The following AGAP4 variants were observed in gnomAD, a reference collection of about 807,000 sequenced individuals.
The protein encoded by AGAP4 is ArfGAP with GTPase domain, ankyrin repeat and PH domain 4.
In AGAP4, 13 loss-of-function variants were observed where a neutral mutation model predicts 60.7. That is an observed-to-expected ratio of 0.21 (90% CI 0.14 to 0.34). The LOEUF (loss-of-function observed/expected upper bound fraction) is 0.34. AGAP4 is among the 10% of genes least tolerant of loss of function. The probability of loss-of-function intolerance (pLI) is 1.00; values close to 1 mark genes in which losing one functional copy is unlikely to be tolerated. For synonymous variants in AGAP4, 70 were observed against 339.0 expected, an observed-to-expected ratio of 0.21 and a Z score of 8.72; for missense variants, 169 against 884.0, an observed-to-expected ratio of 0.19 and a Z score of 10.26.
intron 4 of AGAP4, 170 bp downstream of exon 4, chr10:45,841,483 G>A (rs2058918037): frequency 5.0e-6 from 3 of 597,412 alleles, no homozygotes; most frequent in East Asian, 3.2e-5. Flanking sequence ...GCTAAACTAA[G>A]CACTTTTCTG....
upstream of AGAP4, among the ~76,000 whole-genome samples, chr10:45,852,173 C>G (rs1472500264): frequency 7.1e-6 from 1 of 140,764 alleles, no homozygotes; most frequent in African/African-American, 2.7e-5. Context: ...CGGCCTCCCA[C>G]AGTCTGGGAT....
At chr10:45,828,525 A>C (rs2058680688) in intron 6 of AGAP4, among the ~76,000 whole-genome samples, 2 of 146,384 alleles carry the variant, frequency 1.4e-5, no homozygotes, top group Non-Finnish European at 3.0e-5. Context: ...TGAATGACAA[A>C]CTCATCTGCC....
chr10:45,848,050 T>C (rs2059029050), upstream of AGAP4: 7 of 989,702 alleles, frequency 7.1e-6, no homozygotes, highest in Admixed American at 5.4e-5. Context: ...AGCAACCAAG[T>C]TGAACAACTT....
upstream of AGAP4, chr10:45,847,977 C>T (rs1305648940): frequency 6.8e-6 from 7 of 1,024,070 alleles, no homozygotes; most frequent in African/African-American, 1.2e-4. Context: ...AAGGGTAGTT[C>T]ATTACTTGAA....
chr10:45,848,480 T>C (rs1358134764), upstream of AGAP4, among the ~76,000 whole-genome samples: 41 of 149,710 alleles, frequency 2.7e-4, no homozygotes, highest in South Asian at 8.6e-3. Flanking sequence ...ATACTCGACA[T>C]CTGGCAAGTA....
intron 5 of AGAP4, among the ~76,000 whole-genome samples, chr10:45,832,364 G>A (rs2058747928): frequency 1.3e-5 from 2 of 149,820 alleles, no homozygotes; most frequent in African/African-American, 4.9e-5. Flanking sequence ...CCACCAAATT[G>A]GAGCAGTTTC....
intron 2 of AGAP4, among the ~76,000 whole-genome samples, chr10:45,845,661 G>A (rs2135963777): frequency 9.4e-6 from 1 of 105,932 alleles, no homozygotes; most frequent in Non-Finnish European, 2.0e-5. Flanking sequence ...GGAGTGCATT[G>A]GCGTGATCTC....
intron 2 of AGAP4, among the ~76,000 whole-genome samples, chr10:45,844,721 C>A (rs1202318542): frequency 2.8e-5 from 4 of 144,694 alleles, no homozygotes; most frequent in Non-Finnish European, 6.0e-5. Flanking sequence ...GTAAAATCAA[C>A]TTTGCATAAA....
At chr10:45,841,809 T>C in intron 3 of AGAP4, 122 bp from the exon 4 acceptor site, 2 of 1,033,574 alleles carry the variant, frequency 1.9e-6, no homozygotes, top group Non-Finnish European at 2.6e-6. Context: ...AAAAAAAAAA[T>C]TTTCAATAAC....
At chr10:45,831,488 T>C in intron 5 of AGAP4, 59 bp from the exon 6 acceptor site, 1 of 1,570,244 alleles carries the variant, frequency 6.4e-7, no homozygotes, top group South Asian at 1.1e-5. Flanking sequence ...CCTGAAGACA[T>C]TTTTTAAAAG....
upstream of AGAP4, among the ~76,000 whole-genome samples, chr10:45,849,643 ATT>A (rs533771653): frequency 4.3e-5 from 6 of 140,070 alleles, no homozygotes; most frequent in Admixed American, 7.1e-5. Context: ...GCTGAACACT[ATT>A]TTTTTTTTTT....
rs1316312313 is a variant in AGAP4, at chr10:45,839,631, C to T, written c.396+2022G>A. On this transcript the variant is annotated intron_variant, in intron 4 of 7. Transcript: ENST00000616763. ...ACTGAAATGTCTTCAAAAAAGATCC[C>T]CAGATAATACACTGAGGTCTCCCAA... Among the ~76,000 whole-genome samples the T allele has an allele frequency of 3.4e-4, 39 of 113,400 alleles. 10 individuals are homozygous for T. The highest frequency in any genetic ancestry group is 1.1e-4 in the Non-Finnish European group (6 of 52,880). The allele number at this position is 113,400 out of a possible 152,430, so 74.4% of individuals were successfully genotyped here.
upstream of AGAP4, among the ~76,000 whole-genome samples, chr10:45,850,155 C>T (rs1242859479): frequency 6.6e-6 from 1 of 151,748 alleles, no homozygotes; most frequent in Non-Finnish European, 1.5e-5. Flanking sequence ...TCTCGAACTC[C>T]TGACCTCAGG....
chr10:45,844,303 T>G, intron 3 of AGAP4, 23 bp downstream of exon 3: 1 of 1,593,200 alleles, frequency 6.3e-7, no homozygotes, highest in Non-Finnish European at 8.5e-7. Context: ...TTTCTCTTGG[T>G]GGAAAAAACA....
intron 4 of AGAP4, among the ~76,000 whole-genome samples, chr10:45,834,736 G>A (rs2058788505): frequency 8.4e-6 from 1 of 119,054 alleles, no homozygotes. Flanking sequence ...TTTTTCTGCA[G>A]CAATAAAAAG....
At chr10:45,828,426 A>G (rs1456799359) in intron 6 of AGAP4, among the ~76,000 whole-genome samples, 1 of 149,904 alleles carries the variant, frequency 6.7e-6, no homozygotes, top group East Asian at 1.9e-4. Context: ...ACTTTAATAA[A>G]TGTAAATGTG....
intron 6 of AGAP4, among the ~76,000 whole-genome samples, chr10:45,829,386 A>C (rs1590015664): frequency 1.4e-5 from 2 of 146,344 alleles, no homozygotes; most frequent in Non-Finnish European, 3.0e-5. Flanking sequence ...CTGAAAAATC[A>C]CTTTTTTCAC....
intron 4 of AGAP4, among the ~76,000 whole-genome samples, chr10:45,839,350 C>G (rs1324017363): frequency 1.7e-5 from 2 of 119,758 alleles, no homozygotes; most frequent in Admixed American, 1.7e-4. Context: ...AAAAAGCCAG[C>G]AAGGTCAGTT....
intron 4 of AGAP4, among the ~76,000 whole-genome samples, chr10:45,841,270 T>G (rs2058913275): frequency 7.0e-6 from 1 of 142,272 alleles, no homozygotes; most frequent in African/African-American, 2.6e-5. Context: ...GCCCAGCTAC[T>G]TTTGTATTTT....
Sources: gnomAD v4.1 joint callset for allele counts (sites outside exome capture counted in the v4.1 genomes callset) on GRCh38, gnomAD v4.1.1 for gene constraint, MANE v1.5 for transcripts, NCBI Gene and HGNC (gene_info 2026-07-23, HGNC 2026-07-21) for gene names.